The following DNAH5 variants were observed in gnomAD, a reference collection of about 807,000 sequenced individuals.
DNAH5 encodes the protein axonemal beta dynein heavy chain 5.
A neutral mutation model predicts 518.2 loss-of-function variants in DNAH5; 372 were observed. The observed-to-expected ratio is 0.72, with a 90% confidence interval of 0.66 to 0.78. The LOEUF is 0.78. Ranked by LOEUF, DNAH5 falls within the 30% of genes least tolerant of loss-of-function variation. DNAH5 has a pLI of 0.00. For synonymous variants in DNAH5, 2,039 were observed against 2,025.9 expected, an observed-to-expected ratio of 1.01 and a Z score of -0.17; for missense variants, 5,523 against 5,687.0, an observed-to-expected ratio of 0.97 and a Z score of 0.93.
intron 17 of DNAH5, 21 bp from the exon 18 acceptor site, chr5:13,886,150 A>C (rs1278814216): frequency 6.4e-7 from 1 of 1,567,574 alleles, no homozygotes; most frequent in Non-Finnish European, 8.7e-7. Flanking sequence ...AAAAAAAAAA[A>C]AAAAGATAGC....
At chr5:13,832,553 T>C (rs1211847388) in intron 35 of DNAH5, among the ~76,000 whole-genome samples, 2 of 152,236 alleles carry the variant, frequency 1.3e-5, no homozygotes, top group African/African-American at 4.8e-5. Flanking sequence ...ACCGTTTCCA[T>C]TCATGAACAG....
chr5:13,705,903 A>G (rs1742719475), intron 76 of DNAH5, among the ~76,000 whole-genome samples: 1 of 152,206 alleles, frequency 6.6e-6, no homozygotes, highest in African/African-American at 2.4e-5. Flanking sequence ...GCCACCAGAA[A>G]GTAGAATGAA....
At chr5:13,823,605 C>T (rs1291253944) in intron 39 of DNAH5, among the ~76,000 whole-genome samples, 1 of 152,146 alleles carries the variant, frequency 6.6e-6, no homozygotes, top group Non-Finnish European at 1.5e-5. Context: ...GAAGACAATA[C>T]TGTCTATGTG....
At chr5:13,970,474 G>A (rs557979448) in intron 1 of DNAH5, among the ~76,000 whole-genome samples, 2 of 150,076 alleles carry the variant, frequency 1.3e-5, no homozygotes, top group African/African-American at 5.1e-5. Flanking sequence ...AGCAGTTCTT[G>A]TAGTGCTGGC....
At chr5:13,956,492 G>T (rs1020481076) in intron 1 of DNAH5, among the ~76,000 whole-genome samples, 19 of 151,942 alleles carry the variant, frequency 1.3e-4, no homozygotes, top group Non-Finnish European at 2.6e-4. Context: ...TCTCATTTTT[G>T]TTATTGTCTT....
Position 13,817,630 on chromosome 5 carries a change from A to G in DNAH5, c.6906T>C (p.Phe2302=), listed in dbSNP as rs1761617358. ...NPKAITAPQM[F]GRLDVATNDW... ...CATTTGTGGCAACGTCCAGCCGACC[A>G]AACATCTGTGGGGCAGTAATCGCTT... Residue 2302 remains phenylalanine (F), a synonymous_variant, in exon 42 of 79, where the codon TTT becomes TTC. Transcript: ENST00000265104. 6.2e-7 allele frequency: 1 copy of G among 1,614,078 alleles called. No homozygotes were observed. The highest frequency in any genetic ancestry group is 1.7e-5 in the Admixed American group (1 of 60,006).
chr5:13,923,166 A>C, intron 4 of DNAH5, 114 bp downstream of exon 4: 1 of 1,343,270 alleles, frequency 7.4e-7, no homozygotes, highest in Non-Finnish European at 1.1e-6. Flanking sequence ...ACTTCTCTGA[A>C]AGTAGTTTTA....
chr5:13,961,882 A>C (rs1022591929), intron 1 of DNAH5, among the ~76,000 whole-genome samples: 1 of 152,036 alleles, frequency 6.6e-6, no homozygotes, highest in Admixed American at 6.6e-5. Flanking sequence ...TCCTCTACAT[A>C]GAACTCAATC....
intron 1 of DNAH5, among the ~76,000 whole-genome samples, chr5:13,984,518 A>C (rs1251685421): frequency 6.6e-6 from 1 of 152,078 alleles, no homozygotes; most frequent in Admixed American, 6.6e-5. Context: ...AATACCCTTT[A>C]TTTCTTTCTC....
intron 70 of DNAH5, among the ~76,000 whole-genome samples, chr5:13,727,122 T>C (rs1745849279): frequency 6.6e-6 from 1 of 152,212 alleles, no homozygotes; most frequent in South Asian, 2.1e-4. Context: ...AATGCCTTTA[T>C]GTTCTTCCTG....
In DNAH5 at chr5:13,829,728, G is replaced by A. The variant is rs757033492; in HGVS notation, c.6250-24C>T. The stretch of plus-strand genomic sequence containing the variant: ...TTCTAAACAGAAAATAAAGCCCAAG[G>A]ATGAATGATGCAATCAAGCACACAT... On this transcript the variant is annotated intron_variant, in intron 37 of 78. Coordinates refer to ENST00000265104, the MANE Select transcript of DNAH5 (RefSeq NM_001369.3). The A allele has an allele frequency of 3.1e-6, 5 of 1,598,038 alleles. No homozygotes were observed. The Admixed American group carries it at 5.0e-5, about 16-fold the overall frequency.
chr5:13,952,230 G>C (rs1269790484), intron 1 of DNAH5, among the ~76,000 whole-genome samples: 1 of 152,190 alleles, frequency 6.6e-6, no homozygotes, highest in Non-Finnish European at 1.5e-5. Flanking sequence ...CTGATGGTTA[G>C]CACTCACGCC....
Position 13,916,430 on chromosome 5 carries a change from G to A in DNAH5, c.1115C>T (p.Thr372Ile). Reference sequence around the variant, plus strand: ...GATCATTTTAATTGCATTTATAAGTGTAGGAATAGCATCCATCATGGATAG... The same window carrying A: ...GATCATTTTAATTGCATTTATAAGTATAGGAATAGCATCCATCATGGATAG... Reference protein sequence around the residue: ...DPLSMMDAIPTLINAIKMIYS... With the variant: ...DPLSMMDAIPILINAIKMIYS... The change falls in exon 9 of 79, where the codon ACA becomes ATA. Residue 372 changes from threonine to isoleucine, a missense_variant. This residue lies in a region of DNAH5 where 5,121 missense variants were observed against 5,223.3 expected (regional missense o/e 0.98). Coordinates refer to ENST00000265104, the MANE Select transcript of DNAH5 (RefSeq NM_001369.3). 2 of 1,558,320 alleles carry A rather than the reference G, an allele frequency of 1.3e-6. No individual in the cohort carries two copies. The highest frequency in any genetic ancestry group is 2.2e-5 in the South Asian group (2 of 89,874).
Position 13,883,090 on chromosome 5 carries a change from ACTGT to A in DNAH5, c.2984_2987del (p.Asp995ValfsTer7). 2 of 1,613,902 alleles carry A rather than the reference ACTGT, an allele frequency of 1.2e-6. No homozygotes were observed. The highest frequency in any genetic ancestry group is 1.7e-6 in the Non-Finnish European group (2 of 1,180,024). ...TCTGCTTCATGTTAGAGGCACTGTT[ACTGT>A]CTGAGTTAACCCAAAACAAGGAAGA... On this transcript the variant is annotated frameshift_variant and splice_region_variant, in exon 20 of 79. Coordinates refer to ENST00000265104, the MANE Select transcript of DNAH5 (RefSeq NM_001369.3). LOFTEE classifies it high-confidence loss of function.
At position 13,885,199 on chromosome 5, in the gene DNAH5, A is replaced by C. The variant is rs1561504432; in HGVS notation, c.2773T>G (p.Leu925Val). The C allele has an allele frequency of 1.9e-6, 3 of 1,614,214 alleles. No homozygotes were observed. The highest frequency in any genetic ancestry group is 1.7e-5 in the Admixed American group (1 of 60,026). ...GCCCTGGCATTAATAGATGATGTCA[A>C]GGTGTCAAAATTTCCTTCTTCTCTT... Reference protein sequence around the residue: ...AKREEGNFDTLTSSINARANA... With the variant: ...AKREEGNFDTVTSSINARANA... The change falls in exon 19 of 79, where the codon TTG (leucine) becomes GTG (valine). Residue 925 changes from leucine (L) to valine (V), a missense_variant. By Grantham distance (32) the Leu-to-Val change is conservative (BLOSUM62 1). Around this residue, in one of 3 missense-constraint regions of DNAH5, gnomAD observed 5,121 missense variants for 5,223.3 expected, o/e 0.98. Transcript: ENST00000265104.
intron 1 of DNAH5, among the ~76,000 whole-genome samples, chr5:13,988,727 CT>C (rs528130556): frequency 6.6e-4 from 83 of 126,442 alleles, no homozygotes; most frequent in Admixed American, 8.2e-4. Context: ...CAGCCCAAAT[CT>C]TTTTTTTTTT....
At chr5:13,981,823 C>G (rs78221975) in intron 1 of DNAH5, among the ~76,000 whole-genome samples, 11,871 of 152,232 alleles carry the variant, frequency 0.078, 533 homozygotes, top group East Asian at 0.12. Context: ...AACTGGAGGT[C>G]ACAGTTTAGA....
chr5:13,907,380 G>A (rs1312512335), intron 12 of DNAH5, among the ~76,000 whole-genome samples: 6 of 152,216 alleles, frequency 3.9e-5, no homozygotes, highest in Admixed American at 2.0e-4. Context: ...GCAGTGAGCC[G>A]AGATCGTGCC....
At chr5:13,990,348 A>G (rs1349971900) in intron 1 of DNAH5, among the ~76,000 whole-genome samples, 4 of 150,852 alleles carry the variant, frequency 2.7e-5, no homozygotes, top group Non-Finnish European at 5.9e-5. Context: ...GTCAGGAGAT[A>G]GAGACCATCC....
Sources: gnomAD v4.1 joint callset for allele counts (sites outside exome capture counted in the v4.1 genomes callset) on GRCh38, gnomAD v4.1.1 for gene constraint, gnomAD v4.1.1 regional missense constraint, MANE v1.5 for transcripts, NCBI Gene and HGNC (gene_info 2026-07-23, HGNC 2026-07-21) for gene names.